The following DLGAP1 variants were observed in gnomAD, a reference collection of about 807,000 sequenced individuals.
DLGAP1 encodes the protein disks large-associated protein 1.
A neutral mutation model predicts 90.8 loss-of-function variants in DLGAP1; 11 were observed. The ratio of observed to expected loss-of-function variants is 0.12; its 90% CI spans 0.08 to 0.20. The LOEUF (loss-of-function observed/expected upper bound fraction) is 0.20, where lower values mean the gene tolerates loss of function less well. Among genes scored for constraint, DLGAP1 ranks in the 10% least tolerant of loss-of-function variants. The probability of loss-of-function intolerance (pLI) is 1.00; values close to 1 mark genes in which losing one functional copy is unlikely to be tolerated. For synonymous variants in DLGAP1, 558 were observed against 540.7 expected, an observed-to-expected ratio of 1.03 and a Z score of -0.44; for missense variants, 1,050 against 1,333.8, an observed-to-expected ratio of 0.79 and a Z score of 3.31.
At chr18:4,344,822 A>G (rs1194549357) in intron 1 of DLGAP1, among the ~76,000 whole-genome samples, 5 of 152,062 alleles carry the variant, frequency 3.3e-5, no homozygotes, top group African/African-American at 9.7e-5. Flanking sequence ...TACACCTTCA[A>G]TCTTCCCAGT....
intron 3 of DLGAP1, among the ~76,000 whole-genome samples, chr18:3,980,706 A>AT (rs1599261948): frequency 6.6e-6 from 1 of 152,226 alleles, no homozygotes; most frequent in East Asian, 1.9e-4. Context: ...ATTACTGACC[A>AT]TTTTTGCAGG....
chr18:3,565,864 CA>C lies in DLGAP1; in HGVS notation c.2057+1625del, dbSNP rs34728457. ...AAACCACACACAAAAAACAAACAAACAAAAAAAAATGATTACTAAAACTTTT... is the reference window on the plus strand; with the variant it reads ...AAACCACACACAAAAAACAAACAAACAAAAAAAATGATTACTAAAACTTTT... On this transcript the variant is annotated intron_variant, in intron 9 of 12. Transcript: ENST00000315677. The surrounding 1 kb of genome is among the most constrained non-coding windows in gnomAD (Gnocchi z 4.0). Among the ~76,000 whole-genome samples, 31,205 of 150,304 alleles carry C rather than the reference CA, an allele frequency of 0.21. 3,649 individuals carry two copies. Among genetic ancestry groups the C allele is most frequent in the African/African-American group, 0.31 (12,769 of 41,022 alleles).
At chr18:4,019,471 T>A (rs1433152489) in intron 2 of DLGAP1, among the ~76,000 whole-genome samples, 1 of 152,212 alleles carries the variant, frequency 6.6e-6, no homozygotes. Flanking sequence ...CTTCTTAAAA[T>A]GAAAAGTCCT....
At position 3,754,145 on chromosome 18, in the gene DLGAP1, C is replaced by T. The variant is rs1205385275; in HGVS notation, c.1173-11633G>A. 2.0e-5 allele frequency among the ~76,000 whole-genome samples: 3 copies of T among 152,194 alleles called. No individual in the cohort carries two copies. The East Asian group carries it at 5.8e-4, about 29-fold the overall frequency. ...CCTCCTGAGTAGTTGGAACTACAGG[C>T]ACATGCCACCATACCCTGCTAATTT... is the stretch of plus-strand genomic sequence containing the variant. On this transcript the variant is annotated intron_variant, in intron 5 of 12. Transcript: ENST00000315677.
intron 7 of DLGAP1, among the ~76,000 whole-genome samples, chr18:3,641,135 T>C (rs2058921688): frequency 6.6e-6 from 1 of 152,122 alleles, no homozygotes; most frequent in Admixed American, 6.5e-5. Context: ...TAATACTATA[T>C]GTGTGTATGA....
At position 3,600,273 on chromosome 18, in the gene DLGAP1, C is replaced by T. The variant is rs192308354; in HGVS notation, c.1592-18025G>A. 1.3e-3 allele frequency among the ~76,000 whole-genome samples: 203 copies of T among 151,920 alleles called. 2 individuals carry two copies. The highest frequency in any genetic ancestry group is 4.7e-3 in the African/African-American group (196 of 41,440). ...TTCTTGTTTTTGTTTTTTTATGAGA[C>T]GGAGTTTCTCTCTTGTCACCCAGGC... On this transcript the variant is annotated intron_variant, in intron 7 of 12. Transcript: ENST00000315677.
intron 7 of DLGAP1, among the ~76,000 whole-genome samples, chr18:3,584,542 C>A (rs1300710137): frequency 1.3e-5 from 2 of 152,120 alleles, no homozygotes; most frequent in Non-Finnish European, 1.5e-5. Flanking sequence ...TAGATGGAGA[C>A]AATAATGTTT....
intron 3 of DLGAP1, among the ~76,000 whole-genome samples, chr18:3,937,447 T>A (rs1371919055): frequency 6.6e-6 from 1 of 152,082 alleles, no homozygotes; most frequent in Non-Finnish European, 1.5e-5. Context: ...TTCACTACCA[T>A]GAGAACAGTA....
intron 2 of DLGAP1, among the ~76,000 whole-genome samples, chr18:4,052,437 C>A (rs530134162): frequency 6.6e-6 from 1 of 152,312 alleles, no homozygotes; most frequent in Admixed American, 6.5e-5. Context: ...GAAACAATGT[C>A]TTGAGCTGTA....
At chr18:3,798,653 GTTTA>G (rs1338217493) in intron 5 of DLGAP1, among the ~76,000 whole-genome samples, 1 of 152,082 alleles carries the variant, frequency 6.6e-6, no homozygotes, top group Non-Finnish European at 1.5e-5. Flanking sequence ...CTCTAAGGTT[GTTTA>G]TTTATTTACT....
chr18:4,169,690 C>CA (rs2076991942), intron 1 of DLGAP1, among the ~76,000 whole-genome samples: 1 of 152,170 alleles, frequency 6.6e-6, no homozygotes, highest in Non-Finnish European at 1.5e-5. Flanking sequence ...TGTTATTAGT[C>CA]AAAATAAATA....
At chr18:4,147,148 G>C (rs1462112564) in intron 2 of DLGAP1, among the ~76,000 whole-genome samples, 1 of 152,180 alleles carries the variant, frequency 6.6e-6, no homozygotes, top group East Asian at 1.9e-4. Flanking sequence ...TTCAAATTAT[G>C]CTGCAGCTGC....
chr18:3,568,021 C>T (rs1770260893), intron 8 of DLGAP1, among the ~76,000 whole-genome samples: 1 of 152,100 alleles, frequency 6.6e-6, no homozygotes, highest in South Asian at 2.1e-4. Context: ...GCCTCAGCCT[C>T]CCGAATAGCT....
chr18:4,061,540 AATCTT>A (rs539436240), intron 2 of DLGAP1, among the ~76,000 whole-genome samples: 323 of 152,320 alleles, frequency 2.1e-3, no homozygotes, highest in African/African-American at 7.2e-3. Context: ...GGTTTATAAA[AATCTT>A]ATCTTATGGT....
intron 1 of DLGAP1, among the ~76,000 whole-genome samples, chr18:4,222,011 C>T (rs914271604): frequency 3.9e-5 from 6 of 152,234 alleles, no homozygotes; most frequent in African/African-American, 1.2e-4. Context: ...GCCCCTCAGT[C>T]CTTCTCATTC....
In DLGAP1 at chr18:3,498,201, A is replaced by C. The variant is rs567344297; in HGVS notation, c.*984T>G. 5 of 152,304 alleles carry C rather than the reference A, an allele frequency of 3.3e-5. No homozygotes were observed. The highest frequency in any genetic ancestry group is 9.6e-5 in the African/African-American group (4 of 41,558). The allele number at this position is 152,304 out of a possible 1,614,324, so 9.4% of individuals were successfully genotyped here. ...GCAGATATGTACTTATATATGTGGA[A>C]TCAGGTAGGCCCACCTGGATGGACA... On this transcript the variant is annotated 3_prime_UTR_variant, in exon 13 of 13. Transcript: ENST00000315677.
intron 4 of DLGAP1, among the ~76,000 whole-genome samples, chr18:3,877,377 A>C (rs1012675159): frequency 6.6e-6 from 1 of 152,228 alleles, no homozygotes; most frequent in African/African-American, 2.4e-5. Context: ...TGCTAGATCC[A>C]TACACAGCAT....
intron 4 of DLGAP1, among the ~76,000 whole-genome samples, chr18:3,854,472 G>A (rs2069517048): frequency 6.6e-6 from 1 of 152,112 alleles, no homozygotes; most frequent in East Asian, 1.9e-4. Context: ...ACTTTTAGAT[G>A]AGCGATTTAG....
chr18:4,312,351 A>G (rs2080421765), intron 1 of DLGAP1, among the ~76,000 whole-genome samples: 1 of 152,194 alleles, frequency 6.6e-6, no homozygotes, highest in African/African-American at 2.4e-5. Context: ...TACATCCTAC[A>G]CCAAGATTAT....
Sources: gnomAD v4.1 joint callset for allele counts (sites outside exome capture counted in the v4.1 genomes callset) on GRCh38, gnomAD v4.1.1 for gene constraint, Gnocchi (gnomAD v3.1) non-coding constraint, MANE v1.5 for transcripts, NCBI Gene and HGNC (gene_info 2026-07-23, HGNC 2026-07-21) for gene names.